GIGYF2: variants seen among roughly 807,000 people sequenced by gnomAD.
The protein encoded by GIGYF2 is GRB10 interacting GYF protein 2.
A neutral mutation model predicts 208.1 loss-of-function variants in GIGYF2; 25 were observed. The ratio of observed to expected loss-of-function variants is 0.12; its 90% CI spans 0.09 to 0.17. The LOEUF is 0.17. Ranked by LOEUF, GIGYF2 falls within the 10% of genes least tolerant of loss-of-function variation. GIGYF2 has a pLI of 1.00. For missense variants in GIGYF2, 1,302 were observed against 1,579.4 expected, an observed-to-expected ratio of 0.82 and a Z score of 2.98; for synonymous variants, 534 against 543.8, an observed-to-expected ratio of 0.98 and a Z score of 0.25.
intron 2 of GIGYF2, among the ~76,000 whole-genome samples, chr2:232,716,791 G>A (rs1056162079): frequency 2.0e-5 from 3 of 151,916 alleles, no homozygotes; most frequent in Non-Finnish European, 4.4e-5. Flanking sequence ...AGTTTAAATA[G>A]CTTTGTTTCA....
At chr2:232,761,029 G>C (rs965397231) in intron 7 of GIGYF2, among the ~76,000 whole-genome samples, 1 of 151,870 alleles carries the variant, frequency 6.6e-6, no homozygotes, top group African/African-American at 2.4e-5. Flanking sequence ...GATTGATGTT[G>C]GCCTTATATA....
chr2:232,730,853 C>A (rs1454991695), intron 2 of GIGYF2, among the ~76,000 whole-genome samples: 8 of 134,812 alleles, frequency 5.9e-5, no homozygotes, highest in African/African-American at 2.0e-4. Flanking sequence ...AGCCGAGATC[C>A]CGCCACTGCA....
Position 232,796,297 on chromosome 2 carries a change from A to C in GIGYF2, c.1639+76A>C, listed in dbSNP as rs1700220796. 5.2e-6 allele frequency: 5 copies of C among 963,432 alleles called. No homozygotes were observed. In the South Asian group the frequency reaches 6.5e-5, roughly 12 times the overall value. The allele number at this position is 963,432 out of a possible 1,614,324, so 59.7% of individuals were successfully genotyped here. ...AGAATCTCTAAGAAGGGATTTGTTT[A>C]ATTTAAATTATAGTAGAAAAAGAAG... On this transcript the variant is annotated intron_variant, in intron 14 of 28. Coordinates refer to ENST00000373563, the MANE Select transcript of GIGYF2 (RefSeq NM_001103146.3).
chr2:232,775,048 G>A (rs777806047), intron 8 of GIGYF2, among the ~76,000 whole-genome samples: 2 of 151,806 alleles, frequency 1.3e-5, no homozygotes, highest in African/African-American at 2.4e-5. Context: ...GCTGATAATC[G>A]GAACAGTTAA....
chr2:232,825,337 T>A (rs891367441), intron 21 of GIGYF2, among the ~76,000 whole-genome samples: 9 of 152,160 alleles, frequency 5.9e-5, no homozygotes, highest in Non-Finnish European at 1.5e-5. Context: ...AGAACATTAG[T>A]GATTCATGAG....
chr2:232,801,070 A>G (rs1700383857), intron 14 of GIGYF2, among the ~76,000 whole-genome samples: 1 of 151,462 alleles, frequency 6.6e-6, no homozygotes, highest in African/African-American at 2.4e-5. Context: ...CTTTAAAAAG[A>G]AAAAAAAGAG....
chr2:232,852,479 C>T (rs1281084096), intron 28 of GIGYF2, among the ~76,000 whole-genome samples: 2 of 152,070 alleles, frequency 1.3e-5, no homozygotes, highest in Admixed American at 1.3e-4. Context: ...GCCTAGGAGG[C>T]GGAGGTTGCA....
At chr2:232,811,086 G>A in intron 16 of GIGYF2, 158 bp from the exon 17 acceptor site, 3 of 599,060 alleles carry the variant, frequency 5.0e-6, no homozygotes, top group Non-Finnish European at 8.9e-6. Context: ...AATTTTCTAT[G>A]TGTCTATTAT....
At chr2:232,814,814 G>C (rs1700862508) in intron 18 of GIGYF2, among the ~76,000 whole-genome samples, 1 of 151,854 alleles carries the variant, frequency 6.6e-6, no homozygotes, top group African/African-American at 2.4e-5. Flanking sequence ...TATCTCTTTG[G>C]GTTTATATGC....
chr2:232,726,784 C>T (rs1252652273), intron 2 of GIGYF2, among the ~76,000 whole-genome samples: 2 of 152,130 alleles, frequency 1.3e-5, no homozygotes, highest in African/African-American at 4.8e-5. Context: ...TTCTAGAGGA[C>T]TATCACTTAG....
At chr2:232,765,173 T>C in intron 8 of GIGYF2, 1 of 152,226 alleles carries the variant, frequency 6.6e-6, no homozygotes, top group South Asian at 2.1e-4. Context: ...TTCTGAGCTT[T>C]TACTTTTTGG....
chr2:232,828,680 G>A (rs1701326162), intron 21 of GIGYF2: 1 of 152,206 alleles, frequency 6.6e-6, no homozygotes, highest in Non-Finnish European at 1.5e-5. Flanking sequence ...TGGGTTATCA[G>A]AATTTATTAA....
chr2:232,797,603 C>A (rs904803398), intron 14 of GIGYF2, among the ~76,000 whole-genome samples: 1 of 150,430 alleles, frequency 6.6e-6, no homozygotes, highest in Non-Finnish European at 1.5e-5. Context: ...TTCCATATAC[C>A]CTTTATACAG....
At chr2:232,775,210 G>GT (rs1262048279) in intron 8 of GIGYF2, among the ~76,000 whole-genome samples, 2 of 152,122 alleles carry the variant, frequency 1.3e-5, no homozygotes, top group Non-Finnish European at 2.9e-5. Context: ...AGTCAGTGTG[G>GT]TTTAGTGTAG....
chr2:232,804,289 A>G (rs200907632), intron 14 of GIGYF2, among the ~76,000 whole-genome samples: 6 of 70,576 alleles, frequency 8.5e-5, no homozygotes, highest in East Asian at 4.4e-4. Context: ...TGGTATGTCT[A>G]TCTGTGTTGT....
At position 232,785,368 on chromosome 2, in the gene GIGYF2, A is replaced by G. The variant is rs562089859; in HGVS notation, c.533-1782A>G. On this transcript the variant is annotated intron_variant, in intron 8 of 28. Transcript: ENST00000373563. The stretch of plus-strand genomic sequence containing the variant: ...AAGGCTGCACTCAAGGTGTCAGCCC[A>G]TGCTGCAGTCTCTCAAAGCTCAACT... Among the ~76,000 whole-genome samples, 42 of 152,296 alleles carry G rather than the reference A, an allele frequency of 2.8e-4. No homozygotes were observed. In the South Asian group the frequency reaches 4.6e-3, roughly 17 times the overall value.
At position 232,790,768 on chromosome 2, in the gene GIGYF2, T is replaced by A; in HGVS notation, c.783T>A (p.Asp261Glu). The change falls in exon 10 of 29, where the codon GAT becomes GAA. Residue 261 changes from aspartate to glutamate, a missense_variant. Asp to Glu is a conservative substitution (Grantham distance 45, BLOSUM62 2). This residue lies in a region of GIGYF2 where 50 missense variants were observed against 42.3 expected (regional missense o/e 1.18). Transcript: ENST00000373563. ...GGAGGTTTGAGTTTGATTTTCGAGA[T>A]AGAGATGATGAACGGGGTTACCGAA... ...RRRRFEFDFR[D>E]RDDERGYRRV... The A allele has an allele frequency of 6.2e-7, 1 of 1,614,072 alleles. No homozygotes were observed. The highest frequency in any genetic ancestry group is 8.5e-7 in the Non-Finnish European group (1 of 1,179,976).
intron 12 of GIGYF2, among the ~76,000 whole-genome samples, chr2:232,793,907 C>T (rs909117017): frequency 2.6e-5 from 4 of 152,126 alleles, no homozygotes. Flanking sequence ...TTGTATTTGG[C>T]AACTTTGTGT....
chr2:232,790,232 A>G (rs1488790967), intron 9 of GIGYF2, among the ~76,000 whole-genome samples: 1 of 152,218 alleles, frequency 6.6e-6, no homozygotes, highest in Non-Finnish European at 1.5e-5. Context: ...AAGTCAACAC[A>G]GGGAGCTGAT....
Sources: allele counts gnomAD v4.1 joint callset (sites outside exome capture counted in the v4.1 genomes callset), GRCh38; gene constraint gnomAD v4.1.1; regional missense constraint gnomAD v4.1.1; transcripts MANE v1.5; gene names NCBI Gene and HGNC (gene_info 2026-07-23, HGNC 2026-07-21).